The following HEMK2 variants were observed in gnomAD, a reference collection of about 807,000 sequenced individuals.
HEMK2 encodes methyltransferase HEMK2.
At chr21:28,638,010 TG>T in the HEMK2 span, among the ~76,000 whole-genome samples, 1 of 152,204 alleles carries the variant, frequency 6.6e-6, no homozygotes, top group Non-Finnish European at 1.5e-5. Flanking sequence ...CCACAAATTA[TG>T]GGTACCATTT....
chr21:28,885,136 C>T, the HEMK2 span: 1 of 1,445,758 alleles, frequency 6.9e-7, no homozygotes, highest in South Asian at 1.4e-5. Context: ...TGATAGTCAC[C>T]GTTCCGGCCC....
chr21:28,750,484 A>G, the HEMK2 span, among the ~76,000 whole-genome samples: 1 of 152,102 alleles, frequency 6.6e-6, no homozygotes, highest in Non-Finnish European at 1.5e-5. Flanking sequence ...AGATCGCTTG[A>G]GGCCAGGAGT....
At chr21:28,858,830 G>T in the HEMK2 span, among the ~76,000 whole-genome samples, 4 of 152,106 alleles carry the variant, frequency 2.6e-5, no homozygotes, top group African/African-American at 9.7e-5. Flanking sequence ...TCCAGCCTGG[G>T]TGTCTGAGCA....
chr21:28,618,600 C>G, the HEMK2 span, among the ~76,000 whole-genome samples: 1 of 152,230 alleles, frequency 6.6e-6, no homozygotes, highest in Admixed American at 6.5e-5. Context: ...TTGGATTGAT[C>G]TCCTTCTTCT....
the HEMK2 span, among the ~76,000 whole-genome samples, chr21:28,629,850 G>A: frequency 1.3e-5 from 2 of 152,202 alleles, no homozygotes; most frequent in African/African-American, 4.8e-5. Flanking sequence ...TCAGGGGATC[G>A]AAGGACAAGC....
the HEMK2 span, among the ~76,000 whole-genome samples, chr21:28,597,086 A>T: frequency 6.6e-6 from 1 of 152,232 alleles, no homozygotes; most frequent in Non-Finnish European, 1.5e-5. Context: ...CTGATGAAAG[A>T]AACAGACATG....
chr21:28,725,412 A>T, the HEMK2 span, among the ~76,000 whole-genome samples: 1 of 152,166 alleles, frequency 6.6e-6, no homozygotes, highest in South Asian at 2.1e-4. Context: ...GTAAACTAAA[A>T]GGGATACATT....
chr21:28,864,429 C>CT, the HEMK2 span, among the ~76,000 whole-genome samples: 127,842 of 152,164 alleles, frequency 0.84, 54,143 homozygotes, highest in South Asian at 0.93. Context: ...GATGTATGTC[C>CT]AAAAGAGCAT....
the HEMK2 span, among the ~76,000 whole-genome samples, chr21:28,602,821 T>G: frequency 6.6e-6 from 1 of 152,228 alleles, no homozygotes; most frequent in East Asian, 1.9e-4. Context: ...TAGCCACAGC[T>G]GGAGGGAATG....
chr21:28,729,990 T>C, the HEMK2 span, among the ~76,000 whole-genome samples: 1 of 152,166 alleles, frequency 6.6e-6, no homozygotes, highest in African/African-American at 2.4e-5. Context: ...GGCAAAGGGC[T>C]TCCTCAGACT....
At chr21:28,848,155 G>A in the HEMK2 span, among the ~76,000 whole-genome samples, 1 of 152,038 alleles carries the variant, frequency 6.6e-6, no homozygotes, top group South Asian at 2.1e-4. Flanking sequence ...CAATTCTGTG[G>A]AAAATGTCAT....
chr21:28,625,192 G>C, the HEMK2 span, among the ~76,000 whole-genome samples: 1 of 152,088 alleles, frequency 6.6e-6, no homozygotes, highest in Non-Finnish European at 1.5e-5. Context: ...AAAACAAACA[G>C]GTACATTTTT....
At chr21:28,755,051 A>G in the HEMK2 span, among the ~76,000 whole-genome samples, 1 of 152,156 alleles carries the variant, frequency 6.6e-6, no homozygotes, top group African/African-American at 2.4e-5. Flanking sequence ...AGAGCTGAGG[A>G]GTGCTCTAGG....
chr21:28,667,739 G>C, the HEMK2 span, among the ~76,000 whole-genome samples: 3 of 152,144 alleles, frequency 2.0e-5, no homozygotes, highest in African/African-American at 7.2e-5. Flanking sequence ...AGGGGTCAAG[G>C]AAACAAGTTC....
the HEMK2 span, among the ~76,000 whole-genome samples, chr21:28,610,080 A>G: frequency 6.6e-6 from 1 of 152,198 alleles, no homozygotes; most frequent in Non-Finnish European, 1.5e-5. Flanking sequence ...CATCACAAAG[A>G]GACCATCACC....
the HEMK2 span, among the ~76,000 whole-genome samples, chr21:28,757,268 T>A: frequency 6.6e-6 from 1 of 152,310 alleles, no homozygotes; most frequent in East Asian, 1.9e-4. Context: ...ATTTTTTAAA[T>A]AATAAAACCA....
At chr21:28,874,013 G>A in the HEMK2 span, 1 of 152,166 alleles carries the variant, frequency 6.6e-6, no homozygotes, top group Non-Finnish European at 1.5e-5. Flanking sequence ...CCATATACTG[G>A]ATGTTGATTC....
the HEMK2 span, among the ~76,000 whole-genome samples, chr21:28,597,203 G>C: frequency 1.3e-5 from 2 of 152,174 alleles, no homozygotes; most frequent in African/African-American, 4.8e-5. Context: ...TAATATTTGA[G>C]CTAAGTCTTG....
At chr21:28,578,475 T>C in the HEMK2 span, among the ~76,000 whole-genome samples, 578 of 152,248 alleles carry the variant, frequency 3.8e-3, 4 homozygotes, top group African/African-American at 0.013. Flanking sequence ...TTGCATATAA[T>C]CACAGACCAG....
Sources: gnomAD v4.1 joint callset for allele counts (sites outside exome capture counted in the v4.1 genomes callset) on GRCh38, gnomAD v4.1.1 for gene constraint, MANE v1.5 for transcripts, NCBI Gene and HGNC (gene_info 2026-07-23, HGNC 2026-07-21) for gene names.